PDGFC: variants seen among roughly 807,000 people sequenced by gnomAD.
PDGFC encodes platelet derived growth factor C.
A neutral mutation model predicts 35.5 loss-of-function variants in PDGFC; 12 were observed. The ratio of observed to expected loss-of-function variants is 0.34; its 90% CI spans 0.22 to 0.55. The LOEUF is 0.55. PDGFC is among the 20% of genes least tolerant of loss of function. The pLI, the probability that PDGFC is intolerant of heterozygous loss-of-function variation, is 0.91. For synonymous variants in PDGFC, 159 were observed against 148.8 expected (o/e 1.07, Z -0.50); for missense variants, 322 against 412.4 (o/e 0.78, Z 1.90).
At chr4:156,819,423 G>A (rs1373422700) in intron 2 of PDGFC, among the ~76,000 whole-genome samples, 1 of 152,170 alleles carries the variant, frequency 6.6e-6, no homozygotes, top group African/African-American at 2.4e-5. Flanking sequence ...TGAAGCTAAT[G>A]CTCATTTACC....
chr4:156,866,902 C>A (rs1579065444), intron 1 of PDGFC, among the ~76,000 whole-genome samples: 1 of 152,090 alleles, frequency 6.6e-6, no homozygotes, highest in East Asian at 1.9e-4. Context: ...CATCTCTAAT[C>A]TTCCTTGGAG....
chr4:156,893,701 C>A (rs1730567730), intron 1 of PDGFC, among the ~76,000 whole-genome samples: 1 of 151,702 alleles, frequency 6.6e-6, no homozygotes, highest in South Asian at 2.1e-4. Context: ...TATGCAAGGA[C>A]AATTACTGCT....
At chr4:156,809,816 G>C (rs1475159545) in intron 3 of PDGFC, among the ~76,000 whole-genome samples, 1 of 151,736 alleles carries the variant, frequency 6.6e-6, no homozygotes, top group Non-Finnish European at 1.5e-5. Flanking sequence ...ATATAATATA[G>C]ACAGAAGTTC....
chr4:156,935,121 C>G (rs905931083), intron 1 of PDGFC, among the ~76,000 whole-genome samples: 3 of 152,122 alleles, frequency 2.0e-5, no homozygotes, highest in Admixed American at 2.0e-4. Context: ...CCTCAGCCTC[C>G]CGAGTGGCTG....
Position 156,760,614 on chromosome 4 carries a change from ATGTGTGTGTGTG to A in PDGFC, c.*2464_*2475del, listed in dbSNP as rs112313675. ...CAGAAATTAGGGTCATGTGCTATTT[ATGTGTGTGTGTG>A]TGTGTGTGTGTGTTTAGTAAAATAC... On this transcript the variant is annotated 3_prime_UTR_variant, in exon 6 of 6. Coordinates refer to ENST00000502773, the MANE Select transcript of PDGFC (RefSeq NM_016205.3). The A allele has an allele frequency of 6.7e-6, 1 of 148,292 alleles. No homozygotes were observed. The highest frequency in any genetic ancestry group is 1.5e-5 in the Non-Finnish European group (1 of 66,664). 9.2% of individuals were successfully genotyped at this position (148,292 alleles called of 1,614,324 possible).
chr4:156,964,215 A>G (rs1732408738), intron 1 of PDGFC, among the ~76,000 whole-genome samples: 1 of 151,734 alleles, frequency 6.6e-6, no homozygotes, highest in South Asian at 2.1e-4. Context: ...AAGCATGCCA[A>G]TGTCAGCCAT....
chr4:156,971,131 C>G lies in PDGFC; in HGVS notation c.-228G>C, dbSNP rs978910785. On this transcript the variant is annotated 5_prime_UTR_variant, in exon 1 of 6. Transcript: ENST00000502773. ...AAAAGGATCAAAGCAAAACCTGGACCTGAACCAGTTTCCCAAGGTTTAAAC... is the reference window on the plus strand; with the variant it reads ...AAAAGGATCAAAGCAAAACCTGGACGTGAACCAGTTTCCCAAGGTTTAAAC... The G allele has an allele frequency of 4.1e-6, 2 of 490,586 alleles. No homozygotes were observed. Among genetic ancestry groups the G allele is most frequent in the Admixed American group, 6.7e-5 (2 of 30,072 alleles). The allele number at this position is 490,586 out of a possible 1,614,324, so 30.4% of individuals were successfully genotyped here.
At chr4:156,919,600 T>A (rs1338948891) in intron 1 of PDGFC, among the ~76,000 whole-genome samples, 2 of 152,132 alleles carry the variant, frequency 1.3e-5, no homozygotes, top group Non-Finnish European at 2.9e-5. Flanking sequence ...TACAAGAAGC[T>A]GAGGACCAGA....
intron 1 of PDGFC, among the ~76,000 whole-genome samples, chr4:156,927,775 T>A (rs1560877082): frequency 6.6e-6 from 1 of 152,172 alleles, no homozygotes; most frequent in Non-Finnish European, 1.5e-5. Context: ...CCCTCCAAAC[T>A]GTTCCAATCT....
intron 3 of PDGFC, among the ~76,000 whole-genome samples, chr4:156,779,941 T>C (rs567073551): frequency 4.6e-5 from 7 of 152,130 alleles, no homozygotes; most frequent in South Asian, 2.1e-4. Context: ...AGCAGGCTCA[T>C]TGTTGGCTGG....
At chr4:156,841,394 T>C (rs1347548954) in intron 2 of PDGFC, 1 of 157,800 alleles carries the variant, frequency 6.3e-6, no homozygotes, top group African/African-American at 2.4e-5. Context: ...AAGAAGGATG[T>C]GTTTGCTTCC....
intron 1 of PDGFC, among the ~76,000 whole-genome samples, chr4:156,880,028 A>G (rs531043303): frequency 2.3e-4 from 35 of 152,338 alleles, no homozygotes; most frequent in African/African-American, 8.4e-4. Flanking sequence ...AGGTTCAAGA[A>G]AAGAAGCTGT....
At chr4:156,872,173 T>C (rs1729999672) in intron 1 of PDGFC, among the ~76,000 whole-genome samples, 1 of 152,188 alleles carries the variant, frequency 6.6e-6, no homozygotes, top group African/African-American at 2.4e-5. Context: ...GCTGTTGTCA[T>C]TTAGTGTGCT....
intron 1 of PDGFC, among the ~76,000 whole-genome samples, chr4:156,853,302 C>A (rs1729497466): frequency 6.6e-6 from 1 of 152,102 alleles, no homozygotes; most frequent in African/African-American, 2.4e-5. Flanking sequence ...CTCTAGGAAA[C>A]TTCCTGAAAG....
At chr4:156,930,291 G>A (rs987105748) in intron 1 of PDGFC, among the ~76,000 whole-genome samples, 7 of 152,314 alleles carry the variant, frequency 4.6e-5, no homozygotes, top group Middle Eastern at 3.4e-3. Flanking sequence ...GCAGTGGGAA[G>A]AGCATGTGCA....
intron 3 of PDGFC, among the ~76,000 whole-genome samples, chr4:156,773,928 T>C (rs1730752451): frequency 6.6e-6 from 1 of 152,194 alleles, no homozygotes; most frequent in African/African-American, 2.4e-5. Context: ...ACATCGGCTC[T>C]TCCTTTTCAT....
chr4:156,890,215 T>C (rs755509241), intron 1 of PDGFC, among the ~76,000 whole-genome samples: 1 of 151,842 alleles, frequency 6.6e-6, no homozygotes, highest in Non-Finnish European at 1.5e-5. Flanking sequence ...CAGCCAGGGA[T>C]GTAATCAGAA....
chr4:156,822,022 T>C (rs192271748), intron 2 of PDGFC, among the ~76,000 whole-genome samples: 3 of 152,200 alleles, frequency 2.0e-5, no homozygotes, highest in African/African-American at 7.2e-5. Flanking sequence ...TATCAAAAAT[T>C]TTTCTTTAAG....
chr4:156,830,848 C>T (rs1301633582), intron 2 of PDGFC, among the ~76,000 whole-genome samples: 1 of 152,208 alleles, frequency 6.6e-6, no homozygotes, highest in South Asian at 2.1e-4. Flanking sequence ...ACTTGGCCCA[C>T]TTCCACTTCT....
Sources: allele counts gnomAD v4.1 joint callset (sites outside exome capture counted in the v4.1 genomes callset), GRCh38; gene constraint gnomAD v4.1.1; transcripts MANE v1.5; gene names NCBI Gene and HGNC (gene_info 2026-07-23, HGNC 2026-07-21).